Variants in MYO1D observed in about 807,000 individuals in gnomAD.
MYO1D encodes the protein unconventional myosin-Id.
MYO1D carries 83 observed loss-of-function variants against 122.0 expected under a neutral mutation model. The ratio of observed to expected loss-of-function variants is 0.68; its 90% confidence interval spans 0.57 to 0.82. MYO1D has a LOEUF of 0.82. MYO1D is among the 40% of genes least tolerant of loss of function. MYO1D has a pLI of 0.00. For missense variants in MYO1D, 1,157 were observed against 1,269.5 expected, an observed-to-expected ratio of 0.91 and a Z score of 1.35; for synonymous variants, 464 against 446.9, an observed-to-expected ratio of 1.04 and a Z score of -0.48.
At chr17:32,731,854 T>A (rs1348897550) in intron 14 of MYO1D, among the ~76,000 whole-genome samples, 1 of 152,160 alleles carries the variant, frequency 6.6e-6, no homozygotes, top group African/African-American at 2.4e-5. Context: ...GGTGAAGCCA[T>A]AACCACCCAG....
intron 21 of MYO1D, among the ~76,000 whole-genome samples, chr17:32,519,615 C>G (rs1273903758): frequency 6.6e-6 from 1 of 151,852 alleles, no homozygotes; most frequent in Admixed American, 6.6e-5. Context: ...CCCCCGCAGC[C>G]CCGGCCGGCC....
chr17:32,679,098 A>G (rs2088868261), intron 16 of MYO1D, among the ~76,000 whole-genome samples: 2 of 151,692 alleles, frequency 1.3e-5, no homozygotes, highest in Admixed American at 1.3e-4. Context: ...CCACTTTTTG[A>G]TGGGGTTGTT....
chr17:32,507,480 A>G (rs1909540095), intron 21 of MYO1D, among the ~76,000 whole-genome samples: 1 of 152,212 alleles, frequency 6.6e-6, no homozygotes, highest in Admixed American at 6.5e-5. Context: ...GAGAACACAC[A>G]TTCTTCTAAA....
chr17:32,548,990 G>C (rs1327066633), intron 21 of MYO1D, among the ~76,000 whole-genome samples: 5 of 152,150 alleles, frequency 3.3e-5, no homozygotes, highest in Non-Finnish European at 5.9e-5. Context: ...TGGGATTACA[G>C]GCGTGAGCCA....
intron 5 of MYO1D, among the ~76,000 whole-genome samples, chr17:32,771,906 A>C (rs2090116331): frequency 6.6e-6 from 1 of 152,208 alleles, no homozygotes; most frequent in African/African-American, 2.4e-5. Context: ...TTTTATATAG[A>C]GCATGTTTTT....
intron 21 of MYO1D, among the ~76,000 whole-genome samples, chr17:32,499,546 A>G (rs189768449): frequency 8.5e-4 from 130 of 152,174 alleles, no homozygotes; most frequent in Non-Finnish European, 8.4e-4. Flanking sequence ...AGGCAGGAGA[A>G]TCGCTTGAAC....
At chr17:32,597,952 C>G (rs1281459365) in intron 21 of MYO1D, among the ~76,000 whole-genome samples, 1 of 151,516 alleles carries the variant, frequency 6.6e-6, no homozygotes, top group Non-Finnish European at 1.5e-5. Context: ...CATTCTGTAC[C>G]TTGCCCTTTT....
chr17:32,603,777 A>G (rs1261856324), intron 21 of MYO1D, among the ~76,000 whole-genome samples: 6 of 152,084 alleles, frequency 3.9e-5, no homozygotes, highest in African/African-American at 7.2e-5. Flanking sequence ...CGCCCGCCTC[A>G]GCCTCCCAAA....
chr17:32,770,975 C>A, intron 6 of MYO1D, 150 bp downstream of exon 6: 1 of 463,792 alleles, frequency 2.2e-6, no homozygotes, highest in Non-Finnish European at 3.7e-6. Context: ...TGTGCTGAAT[C>A]TCTGTCCTTG....
intron 14 of MYO1D, among the ~76,000 whole-genome samples, chr17:32,732,843 A>G (rs1424602483): frequency 6.6e-6 from 1 of 152,218 alleles, no homozygotes; most frequent in Non-Finnish European, 1.5e-5. Flanking sequence ...CAGGGAGCCC[A>G]GACCTAGGAG....
chr17:32,554,309 T>C (rs2087049172), intron 21 of MYO1D, among the ~76,000 whole-genome samples: 1 of 152,024 alleles, frequency 6.6e-6, no homozygotes, highest in African/African-American at 2.4e-5. Context: ...CAGGAAAGGG[T>C]TGGAATCACT....
intron 1 of MYO1D, among the ~76,000 whole-genome samples, chr17:32,853,906 A>G (rs2091008783): frequency 6.6e-6 from 1 of 152,206 alleles, no homozygotes; most frequent in African/African-American, 2.4e-5. Flanking sequence ...AGTTCAAACA[A>G]CTGTCTCGCA....
chr17:32,585,040 G>A (rs186758490), intron 21 of MYO1D, among the ~76,000 whole-genome samples: 124 of 152,330 alleles, frequency 8.1e-4, no homozygotes, highest in African/African-American at 2.9e-3. Flanking sequence ...AGCCTCAGAT[G>A]TGGAAAGTTA....
intron 11 of MYO1D, among the ~76,000 whole-genome samples, chr17:32,754,185 A>T (rs2089924893): frequency 6.6e-6 from 1 of 152,206 alleles, no homozygotes; most frequent in Non-Finnish European, 1.5e-5. Flanking sequence ...GCATTTATAA[A>T]CTTTCCCTCA....
intron 21 of MYO1D, among the ~76,000 whole-genome samples, chr17:32,591,931 A>G (rs539684249): frequency 1.8e-4 from 27 of 152,170 alleles, no homozygotes; most frequent in Non-Finnish European, 3.7e-4. Flanking sequence ...CACTTTAAGG[A>G]CCCCTGATAA....
At chr17:32,742,122 A>G (rs966184724) in intron 13 of MYO1D, among the ~76,000 whole-genome samples, 6 of 152,144 alleles carry the variant, frequency 3.9e-5, no homozygotes, top group African/African-American at 1.2e-4. Context: ...TCTAAACAAT[A>G]CAACAACTAT....
intron 12 of MYO1D, 27 bp from the exon 13 acceptor site, chr17:32,745,312 T>C (rs369849517): frequency 1.4e-6 from 2 of 1,425,596 alleles, no homozygotes; most frequent in Non-Finnish European, 1.9e-6. Flanking sequence ...ACAGAAAACA[T>C]GTATCATTTA....
intron 1 of MYO1D, among the ~76,000 whole-genome samples, chr17:32,814,022 T>C (rs1299481799): frequency 2.0e-5 from 3 of 152,224 alleles, no homozygotes; most frequent in African/African-American, 7.2e-5. Flanking sequence ...TTTAGAAAAG[T>C]GACCTGCCAG....
chr17:32,571,179 C>T lies in MYO1D; in HGVS notation c.2864+33908G>A, dbSNP rs76131011. On this transcript the variant is annotated intron_variant, in intron 21 of 21. Coordinates refer to ENST00000318217, the MANE Select transcript of MYO1D (RefSeq NM_015194.3). ...CAGTGGGAAGTATCTGTGGGGCTTG[C>T]TGGGCTAAGAGGATGCAGGGTAGCC... is the stretch of plus-strand genomic sequence containing the variant. Among the ~76,000 whole-genome samples the T allele has an allele frequency of 4.9e-3, 752 of 152,138 alleles. 2 individuals are homozygous for T. Among genetic ancestry groups the T allele is most frequent in the Middle Eastern group, 0.034 (10 of 294 alleles).
Sources: allele counts gnomAD v4.1 joint callset (sites outside exome capture counted in the v4.1 genomes callset), GRCh38; gene constraint gnomAD v4.1.1; transcripts MANE v1.5; gene names NCBI Gene and HGNC (gene_info 2026-07-23, HGNC 2026-07-21).